GTF2F2: variants seen among roughly 807,000 people sequenced by gnomAD.
GTF2F2 encodes ATP-dependent helicase GTF2F2.
In GTF2F2, 23 loss-of-function variants were observed where a neutral mutation model predicts 42.2. The ratio of observed to expected loss-of-function variants is 0.55; its 90% CI spans 0.39 to 0.77. The LOEUF (loss-of-function observed/expected upper bound fraction) is 0.77, where lower values mean the gene tolerates loss of function less well. GTF2F2 is among the 30% of genes least tolerant of loss of function. The pLI is 0.00. For missense variants in GTF2F2, 261 were observed against 287.2 expected (o/e 0.91, Z 0.66); for synonymous variants, 105 against 100.8 (o/e 1.04, Z -0.25).
At chr13:45,167,274 G>A (rs548689333) in intron 4 of GTF2F2, among the ~76,000 whole-genome samples, 1 of 138,154 alleles carries the variant, frequency 7.2e-6, no homozygotes, top group Non-Finnish European at 1.5e-5. Context: ...TCGCTCTGTT[G>A]CCCAGGCTGG....
chr13:45,151,920 T>G (rs1177239173), intron 4 of GTF2F2, 89 bp downstream of exon 4: 2 of 665,388 alleles, frequency 3.0e-6, no homozygotes, highest in East Asian at 6.1e-5. Flanking sequence ...GCTTTTTTTT[T>G]TTTTTTTTTT....
intron 5 of GTF2F2, among the ~76,000 whole-genome samples, chr13:45,218,498 T>TG (rs757434654): frequency 6.6e-6 from 1 of 152,252 alleles, no homozygotes; most frequent in Non-Finnish European, 1.5e-5. Flanking sequence ...AACGTCATTG[T>TG]GCACTATAAA....
At chr13:45,131,350 CGA>C (rs1317637464) in intron 1 of GTF2F2, among the ~76,000 whole-genome samples, 4 of 151,926 alleles carry the variant, frequency 2.6e-5, no homozygotes, top group Admixed American at 6.6e-5. Context: ...AGGGAGAAAT[CGA>C]GAGAGTGTGA....
chr13:45,181,520 T>C lies in GTF2F2; in HGVS notation c.305-25904T>C, dbSNP rs554904276. Among the ~76,000 whole-genome samples, 10 of 152,266 alleles carry C rather than the reference T, an allele frequency of 6.6e-5. No individual in the cohort carries two copies. The South Asian group carries it at 1.9e-3, about 28-fold the overall frequency. On this transcript the variant is annotated intron_variant, in intron 4 of 7. Transcript: ENST00000340473. ...TCTCTGATGTTCTTAAAGACAATTATTAGGTTTTAAACAACAGCAACTTTA... is the reference window on the plus strand; with the variant it reads ...TCTCTGATGTTCTTAAAGACAATTACTAGGTTTTAAACAACAGCAACTTTA...
chr13:45,162,542 C>T (rs1321647112), intron 4 of GTF2F2, among the ~76,000 whole-genome samples: 1 of 152,166 alleles, frequency 6.6e-6, no homozygotes, highest in Non-Finnish European at 1.5e-5. Flanking sequence ...CTGCCAACTG[C>T]CTGAGCCAGG....
chr13:45,148,796 T>TA (rs927227022), intron 2 of GTF2F2, among the ~76,000 whole-genome samples: 1 of 151,920 alleles, frequency 6.6e-6, no homozygotes, highest in Admixed American at 6.6e-5. Flanking sequence ...TTTTGCTTTG[T>TA]AAAAAAAATT....
At chr13:45,229,530 A>C (rs777862487) in intron 5 of GTF2F2, among the ~76,000 whole-genome samples, 5 of 152,028 alleles carry the variant, frequency 3.3e-5, no homozygotes, top group African/African-American at 7.3e-5. Flanking sequence ...TTTTTTGGGG[A>C]TAGAAGGAGG....
In GTF2F2 at chr13:45,228,669, C is replaced by CTTTTTTTTTTT. The variant is rs57570023; in HGVS notation, c.386+21172_386+21182dup. On this transcript the variant is annotated intron_variant, in intron 5 of 7. Transcript: ENST00000340473. ...TCTCCTTATTGCTGCCAGAGTTAAT[C>CTTTTTTTTTTT]TTTTTTTTTTTTTTTTTTGAGACGG... Among the ~76,000 whole-genome samples the CTTTTTTTTTTT allele has an allele frequency of 9.8e-4, 106 of 108,270 alleles. 5 individuals carry two copies. The highest frequency in any genetic ancestry group is 4.2e-3 in the African/African-American group (89 of 20,966). 71.0% of individuals were successfully genotyped at this position (108,270 alleles called of 152,430 possible).
chr13:45,216,521 G>C (rs1158993313), intron 5 of GTF2F2, among the ~76,000 whole-genome samples: 1 of 151,568 alleles, frequency 6.6e-6, no homozygotes, highest in Non-Finnish European at 1.5e-5. Context: ...TTGTTTTTTT[G>C]TTTTTTTGTT....
At chr13:45,144,457 CTTTTTTTTTT>C (rs11326737) in intron 2 of GTF2F2, among the ~76,000 whole-genome samples, 2 of 74,040 alleles carry the variant, frequency 2.7e-5, no homozygotes, top group South Asian at 1.1e-3. Flanking sequence ...TTTTTTTGGT[CTTTTTTTTTT>C]TTTTTTTTTT....
At chr13:45,261,538 CATTT>C (rs1421140642) in intron 6 of GTF2F2, among the ~76,000 whole-genome samples, 1 of 151,452 alleles carries the variant, frequency 6.6e-6, no homozygotes, top group Non-Finnish European at 1.5e-5. Context: ...TCTGAATTGA[CATTT>C]ATTTCTATAT....
chr13:45,176,195 A>C (rs1871868959), intron 4 of GTF2F2, among the ~76,000 whole-genome samples: 1 of 152,220 alleles, frequency 6.6e-6, no homozygotes, highest in Admixed American at 6.5e-5. Context: ...GTCACAGGAT[A>C]CATATATCTT....
intron 5 of GTF2F2, among the ~76,000 whole-genome samples, chr13:45,218,718 G>A (rs1028944729): frequency 6.6e-6 from 1 of 152,172 alleles, no homozygotes; most frequent in African/African-American, 2.4e-5. Flanking sequence ...AAGAAAAAGG[G>A]TCTCATTTAG....
chr13:45,194,668 A>G (rs1872803522), intron 4 of GTF2F2: 3 of 1,108,462 alleles, frequency 2.7e-6, no homozygotes, highest in Non-Finnish European at 3.9e-6. Context: ...CAGCCTGGTG[A>G]TGGAATGGAA....
intron 4 of GTF2F2, among the ~76,000 whole-genome samples, chr13:45,153,277 C>T (rs911052117): frequency 1.3e-5 from 2 of 152,050 alleles, no homozygotes; most frequent in Non-Finnish European, 2.9e-5. Flanking sequence ...CTCGGCCTCC[C>T]GGAGTGCTGG....
intron 6 of GTF2F2, among the ~76,000 whole-genome samples, chr13:45,260,671 G>A (rs1876301141): frequency 1.3e-5 from 2 of 152,172 alleles, no homozygotes; most frequent in Non-Finnish European, 2.9e-5. Flanking sequence ...CAGTAATGAT[G>A]GTTGAACATA....
chr13:45,136,210 C>A (rs1869611794), intron 1 of GTF2F2, among the ~76,000 whole-genome samples: 1 of 152,182 alleles, frequency 6.6e-6, no homozygotes, highest in Non-Finnish European at 1.5e-5. Context: ...ATGTGTCAAT[C>A]TATATAAAGT....
intron 7 of GTF2F2, among the ~76,000 whole-genome samples, chr13:45,270,186 G>A (rs956372653): frequency 3.3e-5 from 5 of 152,174 alleles, no homozygotes; most frequent in Admixed American, 2.0e-4. Flanking sequence ...CTTAGGGCCC[G>A]TCTTTTTCTC....
chr13:45,153,226 G>C (rs1283383067), intron 4 of GTF2F2, among the ~76,000 whole-genome samples: 1 of 151,110 alleles, frequency 6.6e-6, no homozygotes, highest in South Asian at 2.1e-4. Flanking sequence ...CACCGTGTTA[G>C]CCAGGATGGT....
Sources: gnomAD v4.1 joint callset for allele counts (sites outside exome capture counted in the v4.1 genomes callset) on GRCh38, gnomAD v4.1.1 for gene constraint, MANE v1.5 for transcripts, NCBI Gene and HGNC (gene_info 2026-07-23, HGNC 2026-07-21) for gene names.